The following C12orf50 variants were observed in gnomAD, a reference collection of about 807,000 sequenced individuals.
The protein encoded by C12orf50 is zinc finger CCCH-type containing 11D, also known as uncharacterized protein C12orf50.
C12orf50 carries 35 observed loss-of-function variants against 61.6 expected under a neutral mutation model. The observed-to-expected ratio is 0.57, with a 90% CI of 0.43 to 0.75. The LOEUF (loss-of-function observed/expected upper bound fraction) is 0.75. C12orf50 is among the 30% of genes least tolerant of loss of function. The pLI is 0.00. For synonymous variants in C12orf50, 178 were observed against 161.5 expected, an observed-to-expected ratio of 1.10 and a Z score of -0.77; for missense variants, 475 against 488.5, an observed-to-expected ratio of 0.97 and a Z score of 0.26.
rs1396662419 is a variant in C12orf50, at chr12:87,989,442, C to T, written c.593-71G>A. Reference sequence around the variant, plus strand: ...TACAAACTAGCTTTCAATACAGGAACATTTTCTACAATACCCCTTTTGTTC... The same window carrying T: ...TACAAACTAGCTTTCAATACAGGAATATTTTCTACAATACCCCTTTTGTTC... On this transcript the variant is annotated intron_variant, in intron 7 of 12. Coordinates refer to ENST00000298699, the MANE Select transcript of C12orf50 (RefSeq NM_152589.3). 3.9e-6 allele frequency: 4 copies of T among 1,031,880 alleles called. No homozygotes were observed. The African/African-American group carries it at 4.7e-5, about 12-fold the overall frequency. The allele number at this position is 1,031,880 out of a possible 1,614,324, so 63.9% of individuals were successfully genotyped here. A position where few individuals can be genotyped will look rare whatever the true frequency, so the allele number is the denominator to read the frequency against.
At chr12:88,002,715 T>C (rs2031701709) in intron 3 of C12orf50, among the ~76,000 whole-genome samples, 1 of 151,794 alleles carries the variant, frequency 6.6e-6, no homozygotes, top group Non-Finnish European at 1.5e-5. Flanking sequence ...TTGATATAGT[T>C]GGATTTAGGT....
At chr12:88,029,684 G>A (rs112423105), upstream of C12orf50, among the ~76,000 whole-genome samples, 113 of 152,058 alleles carry the variant, frequency 7.4e-4, no homozygotes, top group African/African-American at 2.4e-3. Flanking sequence ...CTAAATCTTC[G>A]TTTCTATAGA....
At chr12:88,015,857 C>CA (rs1252459973) in intron 3 of C12orf50, among the ~76,000 whole-genome samples, 2 of 151,896 alleles carry the variant, frequency 1.3e-5, no homozygotes, top group African/African-American at 4.8e-5. Context: ...TAAAAGAGTC[C>CA]AAAACCTTTT....
intron 3 of C12orf50, among the ~76,000 whole-genome samples, chr12:88,022,668 A>G (rs1322496027): frequency 6.6e-6 from 1 of 152,248 alleles, no homozygotes; most frequent in Admixed American, 6.5e-5. Flanking sequence ...TTCAGGATAC[A>G]AAATTAACAT....
intron 3 of C12orf50, among the ~76,000 whole-genome samples, chr12:88,014,954 A>C (rs2032256458): frequency 6.6e-6 from 1 of 152,188 alleles, no homozygotes; most frequent in Non-Finnish European, 1.5e-5. Flanking sequence ...ATGACTAACA[A>C]ATGTTAAGCC....
intron 3 of C12orf50, among the ~76,000 whole-genome samples, chr12:88,011,966 A>T (rs1565756111): frequency 6.6e-6 from 1 of 152,252 alleles, no homozygotes; most frequent in Non-Finnish European, 1.5e-5. Context: ...ATTTTGCAAG[A>T]ATACTGACGT....
chr12:88,007,928 C>T (rs950846930), intron 3 of C12orf50, among the ~76,000 whole-genome samples: 21 of 151,488 alleles, frequency 1.4e-4, no homozygotes, highest in African/African-American at 4.6e-4. Flanking sequence ...ACTTTATCAT[C>T]GTTTAAAAAA....
At chr12:88,014,563 T>C (rs2032241234) in intron 3 of C12orf50, among the ~76,000 whole-genome samples, 2 of 152,150 alleles carry the variant, frequency 1.3e-5, no homozygotes, top group Non-Finnish European at 2.9e-5. Context: ...CCTCCCAAAG[T>C]GCTGGGATTG....
rs750998378 is a variant in C12orf50 at position 87,996,659 on chromosome 12, G to A, written c.290-13C>T. ...AAACTAGAAGCATCTATAGGATATA[G>A]ATTTTTTAAATTAAATTGTCCCAAA... On this transcript the variant is annotated splice_polypyrimidine_tract_variant and intron_variant, in intron 4 of 12. Coordinates refer to ENST00000298699, the MANE Select transcript of C12orf50 (RefSeq NM_152589.3). 1.3e-6 allele frequency: 2 copies of A among 1,571,262 alleles called. No homozygotes were observed. Among genetic ancestry groups the A allele is most frequent in the Non-Finnish European group, 1.7e-6 (2 of 1,152,850 alleles).
intron 3 of C12orf50, among the ~76,000 whole-genome samples, chr12:88,024,898 G>A (rs1387912359): frequency 1.3e-5 from 2 of 152,200 alleles, no homozygotes; most frequent in Non-Finnish European, 2.9e-5. Flanking sequence ...AGTTACATAA[G>A]GACTGGAAAT....
At position 87,994,714 on chromosome 12, in the gene C12orf50, TAA is replaced by T; in HGVS notation, c.509_510del (p.Leu170GlnfsTer4). Reference protein sequence around the residue: ...EGDSLTVPTKLSQYERQGEIK... With the variant: ...EGDSLTVPTKXSQYERQGEIK... The stretch of plus-strand genomic sequence containing the variant: ...ATTTCACCTTGCCTTTCATATTGGC[TAA>T]GTTTTGTCGGAACTGTAAGACTATC... On this transcript the variant is annotated frameshift_variant, in exon 7 of 13. Coordinates refer to ENST00000298699, the MANE Select transcript of C12orf50 (RefSeq NM_152589.3). LOFTEE classifies it high-confidence loss of function. The T allele has an allele frequency of 6.2e-7, 1 of 1,613,098 alleles. No individual in the cohort carries two copies. Among genetic ancestry groups the T allele is most frequent in the South Asian group, 1.1e-5 (1 of 91,040 alleles).
chr12:88,003,230 C>T (rs1042811705), intron 3 of C12orf50, among the ~76,000 whole-genome samples: 2 of 151,752 alleles, frequency 1.3e-5, no homozygotes, highest in African/African-American at 4.8e-5. Flanking sequence ...TACAGTTTTG[C>T]TTCCATCTGC....
chr12:87,998,278 CTA>C, intron 3 of C12orf50, 88 bp from the exon 4 acceptor site: 2 of 979,106 alleles, frequency 2.0e-6, no homozygotes, highest in Admixed American at 5.9e-5. Context: ...TCCTAATTAA[CTA>C]TATATTATTT....
At chr12:88,026,235 T>C (rs1666607934) in intron 3 of C12orf50, among the ~76,000 whole-genome samples, 1 of 152,216 alleles carries the variant, frequency 6.6e-6, no homozygotes, top group South Asian at 2.1e-4. Context: ...GTCTTACTTT[T>C]CATATGAATA....
chr12:88,017,318 C>A (rs1009451573), intron 3 of C12orf50, among the ~76,000 whole-genome samples: 1 of 152,230 alleles, frequency 6.6e-6, no homozygotes, highest in Non-Finnish European at 1.5e-5. Flanking sequence ...TACACAAGCT[C>A]TCTCTCTTTG....
At chr12:88,020,827 T>G (rs980580019) in intron 3 of C12orf50, among the ~76,000 whole-genome samples, 2 of 151,348 alleles carry the variant, frequency 1.3e-5, no homozygotes, top group African/African-American at 4.9e-5. Flanking sequence ...AAATACATCA[T>G]ACCAACCATG....
At position 88,026,513 on chromosome 12, in the gene C12orf50, A is replaced by T. The variant is rs1390290480; in HGVS notation, c.108T>A (p.Asn36Lys). 1.2e-6 allele frequency: 2 copies of T among 1,613,756 alleles called. No individual in the cohort carries two copies. Among genetic ancestry groups the T allele is most frequent in the African/African-American group, 2.7e-5 (2 of 74,948 alleles). Residue 36 changes from asparagine to lysine, a missense_variant, in exon 3 of 13, where the codon AAT becomes AAA. Coordinates refer to ENST00000298699, the MANE Select transcript of C12orf50 (RefSeq NM_152589.3). ...IFYHSKPRNINGLFLPPSSNI... is the reference protein window; with the variant it reads ...IFYHSKPRNIKGLFLPPSSNI... ...TGCTACTTGGTGGCAAAAATAATCC[A>T]TTGATATTTCGAGGTTTGCTGTGAT...
rs1411100954 is a variant in C12orf50 at position 87,998,131 on chromosome 12, G to T, written c.193C>A (p.Pro65Thr). The change falls in exon 4 of 13, where the codon CCT becomes ACT. Residue 65 changes from proline (P) to threonine (T), a missense_variant. Pro to Thr is a conservative substitution (Grantham distance 38, BLOSUM62 -1). Transcript: ENST00000298699. ...GIPLQSQSQE[P>T]LKPQENISRP... is the part of the protein sequence containing the mutation. ...GATATATTTTCCTGAGGTTTCAGAGGTTCTTGACTCTGGGACTGGAGTGGA... is the reference window on the plus strand; with the variant it reads ...GATATATTTTCCTGAGGTTTCAGAGTTTCTTGACTCTGGGACTGGAGTGGA... 1 of 1,612,484 alleles carries T rather than the reference G, an allele frequency of 6.2e-7. No individual in the cohort carries two copies. The highest frequency in any genetic ancestry group is 8.5e-7 in the Non-Finnish European group (1 of 1,178,900).
At chr12:87,981,528 C>T (rs934278202) in intron 12 of C12orf50, among the ~76,000 whole-genome samples, 3 of 152,116 alleles carry the variant, frequency 2.0e-5, no homozygotes, top group Non-Finnish European at 4.4e-5. Flanking sequence ...GTCCTCAGAC[C>T]ATAGTTTAGT....
Sources: allele counts gnomAD v4.1 joint callset (sites outside exome capture counted in the v4.1 genomes callset), GRCh38; gene constraint gnomAD v4.1.1; transcripts MANE v1.5; gene names NCBI Gene and HGNC (gene_info 2026-07-23, HGNC 2026-07-21).